MYO1H: variants seen among roughly 807,000 people sequenced by gnomAD.
The protein encoded by MYO1H is myosin IH, also known as unconventional myosin-Ih.
In MYO1H, 118 loss-of-function variants were observed where a neutral mutation model predicts 149.3. The observed-to-expected ratio is 0.79, with a 90% CI of 0.68 to 0.92. The LOEUF (loss-of-function observed/expected upper bound fraction) is 0.92. Ranked by LOEUF, MYO1H falls within the 40% of genes least tolerant of loss-of-function variation. MYO1H has a pLI of 0.00. For synonymous variants in MYO1H, 447 were observed against 465.2 expected (o/e 0.96, Z 0.50); for missense variants, 1,212 against 1,280.7 (o/e 0.95, Z 0.82).
At chr12:109,367,145 T>C (rs1271680659) in intron 1 of MYO1H, among the ~76,000 whole-genome samples, 1 of 152,202 alleles carries the variant, frequency 6.6e-6, no homozygotes, top group African/African-American at 2.4e-5. Context: ...TCATCAGATA[T>C]TTCTCTGCAG....
intron 1 of MYO1H, among the ~76,000 whole-genome samples, chr12:109,356,605 A>T (rs1314409217): frequency 6.6e-6 from 1 of 152,044 alleles, no homozygotes; most frequent in South Asian, 2.1e-4. Context: ...TTAACCCTCT[A>T]TTTATGCTGA....
At chr12:109,405,870 TTC>T in intron 7 of MYO1H, 50 bp from the exon 8 acceptor site, 2 of 1,339,326 alleles carry the variant, frequency 1.5e-6, no homozygotes, top group South Asian at 2.4e-5. Flanking sequence ...GCGGCCACCG[TTC>T]TCTTTCCCTG....
chr12:109,394,181 G>A (rs574801631), intron 3 of MYO1H, among the ~76,000 whole-genome samples: 3 of 152,322 alleles, frequency 2.0e-5, no homozygotes, highest in African/African-American at 7.2e-5. Flanking sequence ...TAAGCTGACA[G>A]GGTAGAATTA....
intron 1 of MYO1H, among the ~76,000 whole-genome samples, chr12:109,386,286 G>A (rs76577005): frequency 0.04 from 6,054 of 152,224 alleles, 139 homozygotes; most frequent in Middle Eastern, 0.054. Context: ...GTTAGGGGCC[G>A]TTCTGAATAA....
At chr12:109,358,538 G>A (rs1349977801) in intron 1 of MYO1H, among the ~76,000 whole-genome samples, 4 of 152,142 alleles carry the variant, frequency 2.6e-5, no homozygotes. Context: ...TGTGGACTTC[G>A]TCTCCGGGAC....
At chr12:109,407,968 A>ATCG in intron 10 of MYO1H, 55 bp downstream of exon 10, 1 of 1,569,192 alleles carries the variant, frequency 6.4e-7, no homozygotes, top group East Asian at 2.3e-5. Flanking sequence ...ATGTTTTATA[A>ATCG]TCATCGTTTC....
At chr12:109,373,677 T>C (rs1241096865) in intron 1 of MYO1H, among the ~76,000 whole-genome samples, 1 of 152,230 alleles carries the variant, frequency 6.6e-6, no homozygotes, top group African/African-American at 2.4e-5. Flanking sequence ...GAGCTTGGTC[T>C]AGTTACTTTT....
At chr12:109,384,567 C>T (rs77094031) in intron 1 of MYO1H, among the ~76,000 whole-genome samples, 139 of 152,214 alleles carry the variant, frequency 9.1e-4, no homozygotes, top group Non-Finnish European at 1.5e-3. Flanking sequence ...CGTTTTCTCA[C>T]GCCCTTTAAA....
At chr12:109,445,148 G>A (rs549239353) in intron 30 of MYO1H, among the ~76,000 whole-genome samples, 196 of 152,312 alleles carry the variant, frequency 1.3e-3, no homozygotes, top group African/African-American at 4.6e-3. Flanking sequence ...GAGCACATTT[G>A]TAGGTGGAAT....
intron 20 of MYO1H, among the ~76,000 whole-genome samples, chr12:109,434,555 A>G (rs1871778672): frequency 6.6e-6 from 1 of 152,148 alleles, no homozygotes; most frequent in South Asian, 2.1e-4. Context: ...TTTAAAGCCT[A>G]GCAACATAAC....
the MYO1H span, among the ~76,000 whole-genome samples, chr12:109,327,312 T>A: frequency 6.6e-6 from 1 of 151,326 alleles, no homozygotes; most frequent in Admixed American, 6.6e-5. Flanking sequence ...TTTTTGTATT[T>A]TTAGTAGAGA....
In MYO1H at chr12:109,348,811, A is replaced by T. The variant is rs78963634; in HGVS notation, c.12+839A>T. Among the ~76,000 whole-genome samples, 121 of 152,334 alleles carry T rather than the reference A, an allele frequency of 7.9e-4. 2 individuals are homozygous for T. In the East Asian group the frequency reaches 0.013, roughly 16 times the overall value. On this transcript the variant is annotated intron_variant, in intron 1 of 31. Transcript: ENST00000310903. Reference sequence around the variant, plus strand: ...AAGGATTGTTTCTTTTCTTGCCTAGACAGCCAAAAAGCTTACAGAAACATT... The same window carrying T: ...AAGGATTGTTTCTTTTCTTGCCTAGTCAGCCAAAAAGCTTACAGAAACATT...
intron 10 of MYO1H, among the ~76,000 whole-genome samples, chr12:109,409,306 CCT>C (rs1372460683): frequency 1.1e-5 from 1 of 87,810 alleles, no homozygotes; most frequent in Non-Finnish European, 2.1e-5. Context: ...GCTGAGGACA[CCT>C]GAACAAAGAA....
At chr12:109,410,154 T>G in intron 12 of MYO1H, 86 bp downstream of exon 12, 1 of 681,568 alleles carries the variant, frequency 1.5e-6, no homozygotes, top group Admixed American at 4.0e-5. Context: ...TTTTTTTTAT[T>G]TTTTTGAGAC....
intron 1 of MYO1H, chr12:109,359,588 G>T (rs1003974076): frequency 6.6e-6 from 1 of 152,140 alleles, no homozygotes; most frequent in Admixed American, 6.5e-5. Flanking sequence ...CTTGTTCTTT[G>T]TGTCCGGACT....
intron 1 of MYO1H, chr12:109,359,167 A>C (rs895936451): frequency 6.6e-6 from 1 of 152,186 alleles, no homozygotes; most frequent in Non-Finnish European, 1.5e-5. Context: ...AAACCCAGGC[A>C]TTTGAGCGCC....
chr12:109,420,911 T>G (rs1871146271), intron 15 of MYO1H, 70 bp from the exon 16 acceptor site: 2 of 812,250 alleles, frequency 2.5e-6, no homozygotes, highest in Middle Eastern at 2.5e-4. Flanking sequence ...CCCTTTGCAA[T>G]GAGTTGGGAT....
chr12:109,382,256 C>G (rs1285254970), intron 1 of MYO1H, among the ~76,000 whole-genome samples: 2 of 152,108 alleles, frequency 1.3e-5, no homozygotes, highest in Admixed American at 1.3e-4. Context: ...ACCTCTAATT[C>G]AAACAACCAG....
chr12:109,327,739 CAAA>C, the MYO1H span, among the ~76,000 whole-genome samples: 39 of 85,650 alleles, frequency 4.6e-4, no homozygotes, highest in Admixed American at 3.3e-3. Flanking sequence ...AAAACTGTCT[CAAA>C]AAAAAAAAAA....
Sources: allele counts gnomAD v4.1 joint callset (sites outside exome capture counted in the v4.1 genomes callset), GRCh38; gene constraint gnomAD v4.1.1; transcripts MANE v1.5; gene names NCBI Gene and HGNC (gene_info 2026-07-23, HGNC 2026-07-21).